Variants in TTYH3 observed in about 807,000 individuals in gnomAD.
TTYH3 encodes tweety family member 3.
Under a neutral mutation model 68.2 loss-of-function variants are expected in TTYH3, and 23 were observed. The ratio of observed to expected loss-of-function variants is 0.34; its 90% CI spans 0.24 to 0.48. The LOEUF (loss-of-function observed/expected upper bound fraction) is 0.48. TTYH3 is among the 20% of genes least tolerant of loss of function. The probability of loss-of-function intolerance (pLI) is 0.99; values close to 1 mark genes in which losing one functional copy is unlikely to be tolerated. For missense variants in TTYH3, 768 were observed against 727.7 expected, an observed-to-expected ratio of 1.06 and a Z score of -0.64; for synonymous variants, 360 against 332.8, an observed-to-expected ratio of 1.08 and a Z score of -0.89.
intron 3 of TTYH3, 52 bp from the exon 4 acceptor site, chr7:2,647,364 ACT>A: frequency 2.0e-6 from 3 of 1,468,004 alleles, no homozygotes; most frequent in Non-Finnish European, 2.7e-6. Context: ...AGGGGCCCAG[ACT>A]CTGGGGCGAG....
intron 1 of TTYH3, among the ~76,000 whole-genome samples, chr7:2,636,582 G>A (rs542594550): frequency 6.6e-6 from 1 of 152,318 alleles, no homozygotes; most frequent in Admixed American, 6.5e-5. Context: ...GAAGCTTCAG[G>A]AGCAATCCCT....
chr7:2,641,046 C>T (rs1785828323), intron 1 of TTYH3, among the ~76,000 whole-genome samples: 1 of 152,170 alleles, frequency 6.6e-6, no homozygotes, highest in Non-Finnish European at 1.5e-5. Context: ...GGGAAGGCTC[C>T]AGGCCCAGGG....
intron 1 of TTYH3, among the ~76,000 whole-genome samples, chr7:2,646,216 C>T (rs912006315): frequency 2.0e-5 from 3 of 152,116 alleles, no homozygotes; most frequent in South Asian, 2.1e-4. Flanking sequence ...GGTTTCGCCA[C>T]GTTGGCCAGG....
At chr7:2,660,123 G>A (rs1343270660) in intron 13 of TTYH3, 39 of 1,230,740 alleles carry the variant, frequency 3.2e-5, no homozygotes, top group African/African-American at 7.8e-5. Flanking sequence ...CCGCCCTCCC[G>A]TCGGCACTGA....
Position 2,648,093 on chromosome 7 carries a change from G to A in TTYH3, c.722+39G>A, listed in dbSNP as rs147393652. On this transcript the variant is annotated intron_variant, in intron 5 of 13. Coordinates refer to ENST00000258796, the MANE Select transcript of TTYH3 (RefSeq NM_025250.3). ...TGTCGGCCCCCCGTGGGCCCAAAGCGGAGGGGCAGGGCAAGGCACCATGTT... is the reference window on the plus strand; with the variant it reads ...TGTCGGCCCCCCGTGGGCCCAAAGCAGAGGGGCAGGGCAAGGCACCATGTT... The A allele has an allele frequency of 5.0e-4, 784 of 1,576,300 alleles. 4 individuals carry two copies. In the African/African-American group the frequency reaches 8.7e-3, roughly 17 times the overall value.
Position 2,649,589 on chromosome 7 carries a change from G to A in TTYH3, c.745G>A (p.Ala249Thr), listed in dbSNP as rs1169329246. ...LVGVCLLGVLALVISWGALGL... is the reference protein window; with the variant it reads ...LVGVCLLGVLTLVISWGALGL... Reference sequence around the variant, plus strand: ...CAGGGTCTGCCTGCTGGGAGTCCTGGCCCTGGTCATCAGCTGGGGCGCGCT... The same window carrying A: ...CAGGGTCTGCCTGCTGGGAGTCCTGACCCTGGTCATCAGCTGGGGCGCGCT... Residue 249 changes from alanine to threonine, a missense_variant, in exon 6 of 14, where the codon GCC becomes ACC. Transcript: ENST00000258796. The A allele has an allele frequency of 5.6e-6, 9 of 1,594,988 alleles. No individual in the cohort carries two copies. The highest frequency in any genetic ancestry group is 7.7e-6 in the Non-Finnish European group (9 of 1,176,148).
In TTYH3 at chr7:2,652,955, A is replaced by G. The variant is rs1332666963; in HGVS notation, c.965A>G (p.Gln322Arg). Residue 322 changes from glutamine to arginine, a missense_variant, in exon 9 of 14, where the codon CAG becomes CGG. Gln to Arg is a conservative substitution (Grantham distance 43). Coordinates refer to ENST00000258796, the MANE Select transcript of TTYH3 (RefSeq NM_025250.3). ...SGSHKALVEM[Q>R]DVVAELLRTV... ...AGCCACAAGGCACTGGTGGAGATGC[A>G]GGATGTCGTGGCTGAGCTTCTGAGG... 4 of 1,576,858 alleles carry G rather than the reference A, an allele frequency of 2.5e-6. No homozygotes were observed. The highest frequency in any genetic ancestry group is 2.6e-6 in the Non-Finnish European group (3 of 1,161,750).
At chr7:2,649,277 G>T (rs958455727) in intron 5 of TTYH3, among the ~76,000 whole-genome samples, 1 of 152,114 alleles carries the variant, frequency 6.6e-6, no homozygotes. Flanking sequence ...ACTGTTGCCT[G>T]TTCAGGAGAG....
In TTYH3 at chr7:2,645,208, C is replaced by A. The variant is rs926415167; in HGVS notation, c.124-1645C>A. Among the ~76,000 whole-genome samples, 1 of 152,168 alleles carries A rather than the reference C, an allele frequency of 6.6e-6. No individual in the cohort carries two copies. Among genetic ancestry groups the A allele is most frequent in the Non-Finnish European group, 1.5e-5 (1 of 68,016 alleles). On this transcript the variant is annotated intron_variant, in intron 1 of 13. Coordinates refer to ENST00000258796, the MANE Select transcript of TTYH3 (RefSeq NM_025250.3). This position sits in a 1 kb window ranked among gnomAD's most constrained non-coding sequence, Gnocchi z 4.8. The stretch of plus-strand genomic sequence containing the variant: ...CTGTATCAGCTCCCCATCCCTCCCC[C>A]GGCACAGGAAGTGTGTGGAGGTTCT...
intron 11 of TTYH3, 137 bp from the exon 12 acceptor site, chr7:2,658,149 C>G: frequency 1.1e-6 from 1 of 874,130 alleles, no homozygotes; most frequent in South Asian, 2.4e-5. Context: ...TGCCCACAGT[C>G]CCACATGGAG....
Position 2,649,981 on chromosome 7 carries a change from G to C in TTYH3, c.864G>C (p.Leu288=). 1 of 1,613,974 alleles carries C rather than the reference G, an allele frequency of 6.2e-7. No homozygotes were observed. The highest frequency in any genetic ancestry group is 2.2e-5 in the East Asian group (1 of 44,886). ...VTKMVEEYSV[L]SGDILQYYLA... ...AAATGGTGGAGGAGTACTCGGTGCT[G>C]AGTGGGGGTGAGTCTGTGTCCACGG... Residue 288 remains leucine, a synonymous_variant, in exon 7 of 14, where the codon CTG becomes CTC. Coordinates refer to ENST00000258796, the MANE Select transcript of TTYH3 (RefSeq NM_025250.3).
In TTYH3 at chr7:2,661,543, C is replaced by A. The variant is rs180937092; in HGVS notation, c.1501-125C>A. ...CTCCCTATAGGCTCTGTCAGGGCACCCTGTACTGTCCCATTCTGCCCCCAG... is the reference window on the plus strand; with the variant it reads ...CTCCCTATAGGCTCTGTCAGGGCACACTGTACTGTCCCATTCTGCCCCCAG... On this transcript the variant is annotated intron_variant, in intron 13 of 13. Transcript: ENST00000258796. 26 of 971,316 alleles carry A rather than the reference C, an allele frequency of 2.7e-5. No homozygotes were observed. In the Admixed American group the frequency reaches 5.3e-4, roughly 20 times the overall value. 60.2% of individuals were successfully genotyped at this position (971,316 alleles called of 1,614,324 possible). A position where few individuals can be genotyped will look rare whatever the true frequency, so the allele number is the denominator to read the frequency against.
At chr7:2,658,830 G>A in intron 12 of TTYH3, 110 bp from the exon 13 acceptor site, 1 of 1,049,550 alleles carries the variant, frequency 9.5e-7, no homozygotes, top group Non-Finnish European at 1.5e-6. Context: ...CCCCCAGTGA[G>A]AATGGATGTG....
rs3801079 is a variant in TTYH3, at chr7:2,647,127, G to C, written c.294-15G>C. 863,945 of 1,583,554 alleles carry C rather than the reference G, an allele frequency of 0.55. 240,036 individuals carry two copies. The highest frequency in any genetic ancestry group is 0.82 in the African/African-American group (60,932 of 74,578). Reference sequence around the variant, plus strand: ...GGGTGGGCGGGGCTACATCTCACGGGCCCGCCCTCTCCAGCGCCGGCATCG... The same window carrying C: ...GGGTGGGCGGGGCTACATCTCACGGCCCCGCCCTCTCCAGCGCCGGCATCG... On this transcript the variant is annotated splice_polypyrimidine_tract_variant and intron_variant, in intron 2 of 13. Coordinates refer to ENST00000258796, the MANE Select transcript of TTYH3 (RefSeq NM_025250.3).
chr7:2,632,688 C>T (rs972579158), intron 1 of TTYH3, among the ~76,000 whole-genome samples: 4 of 152,322 alleles, frequency 2.6e-5, no homozygotes, highest in African/African-American at 9.6e-5. Context: ...CAGCAGAGAC[C>T]CCTCCCCAGA....
chr7:2,646,021 T>G (rs1785971140), intron 1 of TTYH3: 1 of 165,588 alleles, frequency 6.0e-6, no homozygotes, highest in Non-Finnish European at 1.2e-5. Context: ...CAGCAGCACT[T>G]TTTTTTTTTT....
Position 2,649,631 on chromosome 7 carries a change from G to C in TTYH3, c.787G>C (p.Val263Leu). Residue 263 changes from valine (V) to leucine (L), a missense_variant, in exon 6 of 14, where the codon GTG (valine) becomes CTG (leucine). Transcript: ENST00000258796. ...GGGCGCGCTGGGCTTGGAGCTGGCT[G>C]TGTCCGTGGTGAGTGGCAGAGGGGG... is the stretch of plus-strand genomic sequence containing the variant. ...SWGALGLELAVSVGSSDFCVD... is the reference protein window; with the variant it reads ...SWGALGLELALSVGSSDFCVD... 6.3e-7 allele frequency: 1 copy of C among 1,598,908 alleles called. No individual in the cohort carries two copies.
At position 2,647,977 on chromosome 7, in the gene TTYH3, C is replaced by G. The variant is rs186074697; in HGVS notation, c.645C>G (p.Gly215=). 6.2e-7 allele frequency: 1 copy of G among 1,609,552 alleles called. No homozygotes were observed. Among genetic ancestry groups the G allele is most frequent in the Non-Finnish European group, 8.5e-7 (1 of 1,179,890 alleles). ...CCTGCAGGTGGCTGGGCTACCTGGG[C>G]CTGCTGCTGCTGGACGTCATCATCT... ...YDWYRWLGYL[G]LLLLDVIICL... The change falls in exon 5 of 14, where the codon GGC becomes GGG. Residue 215 remains glycine (G), a synonymous_variant. Coordinates refer to ENST00000258796, the MANE Select transcript of TTYH3 (RefSeq NM_025250.3).
Position 2,658,935 on chromosome 7 carries a change from C to T in TTYH3, c.1425-5C>T, listed in dbSNP as rs771492335. The T allele has an allele frequency of 6.2e-7, 1 of 1,614,012 alleles. No individual in the cohort carries two copies. Among genetic ancestry groups the T allele is most frequent in the Admixed American group, 1.7e-5 (1 of 60,006 alleles). ...ACTCACAGCCTCTCTCCCCTCATGCCTCAGGAGCCAGAACGCTAATTTCCA... is the reference window on the plus strand; with the variant it reads ...ACTCACAGCCTCTCTCCCCTCATGCTTCAGGAGCCAGAACGCTAATTTCCA... On this transcript the variant is annotated splice_region_variant and splice_polypyrimidine_tract_variant and intron_variant, in intron 12 of 13. Transcript: ENST00000258796.
Sources: allele counts gnomAD v4.1 joint callset (sites outside exome capture counted in the v4.1 genomes callset), GRCh38; gene constraint gnomAD v4.1.1; non-coding constraint Gnocchi (gnomAD v3.1); transcripts MANE v1.5; gene names NCBI Gene and HGNC (gene_info 2026-07-23, HGNC 2026-07-21).